Variants in CCNF observed in about 807,000 individuals in gnomAD.
CCNF encodes the protein cyclin F, also known as cyclin-F.
CCNF carries 30 observed loss-of-function variants against 85.4 expected under a neutral mutation model. That is an observed-to-expected ratio of 0.35 (90% CI 0.26 to 0.48). The LOEUF (loss-of-function observed/expected upper bound fraction) is 0.48. Among genes scored for constraint, CCNF ranks in the 20% least tolerant of loss-of-function variants. The probability of loss-of-function intolerance (pLI) is 0.99; values close to 1 mark genes in which losing one functional copy is unlikely to be tolerated. For synonymous variants in CCNF, 439 were observed against 425.1 expected (o/e 1.03, Z -0.40); for missense variants, 919 against 1,010.4 (o/e 0.91, Z 1.23).
In CCNF at chr16:2,439,841, T is replaced by G. The variant is rs1419596474; in HGVS notation, c.777+15T>G. On this transcript the variant is annotated intron_variant, in intron 8 of 16. Transcript: ENST00000397066. ...GGGAAGCGCAGGTGAGGTGCGGGGC[T>G]GGGATGACGTGGGGAGCTGGCCTTT... The G allele has an allele frequency of 6.2e-7, 1 of 1,609,108 alleles. No homozygotes were observed. The highest frequency in any genetic ancestry group is 1.7e-5 in the Admixed American group (1 of 59,970).
At position 2,456,324 on chromosome 16, in the gene CCNF, G is replaced by T. The variant is rs949238141; in HGVS notation, c.1886-221G>T. On this transcript the variant is annotated intron_variant, in intron 16 of 16. Coordinates refer to ENST00000397066, the MANE Select transcript of CCNF (RefSeq NM_001761.3). The surrounding 1 kb of genome is among the most constrained non-coding windows in gnomAD (Gnocchi z 4.5). ...TTCTGCGTCCACTTGGCTTGAGCTA[G>T]ATGGCCAACTTGTCATCTCCACATT... 1.3e-4 allele frequency: 64 copies of T among 481,996 alleles called. No individual in the cohort carries two copies. In the Middle Eastern group the frequency reaches 1.6e-3, roughly 12 times the overall value. The allele number at this position is 481,996 out of a possible 1,614,324, so 29.9% of individuals were successfully genotyped here.
rs1383127568 is a variant in CCNF, at chr16:2,453,373, G to T, written c.1588-37G>T. The T allele has an allele frequency of 1.2e-6, 2 of 1,613,742 alleles. No homozygotes were observed. Among genetic ancestry groups the T allele is most frequent in the South Asian group, 1.1e-5 (1 of 91,080 alleles). ...TGGGGTGTGGGCGGGCCTCACCCTC[G>T]GGGCCTCTGCACCCCCTAACTCTAG... On this transcript the variant is annotated intron_variant, in intron 14 of 16. Coordinates refer to ENST00000397066, the MANE Select transcript of CCNF (RefSeq NM_001761.3). This position sits in a 1 kb window ranked among gnomAD's most constrained non-coding sequence, Gnocchi z 5.6.
chr16:2,453,006 A>C lies in CCNF; in HGVS notation c.1488-204A>C. On this transcript the variant is annotated intron_variant, in intron 13 of 16. Transcript: ENST00000397066. The surrounding 1 kb of genome is among the most constrained non-coding windows in gnomAD (Gnocchi z 5.6). ...TTCTAGTACAGGTTTCTGTGTGGAC[A>C]TAGTTTTTCCTTTTTCCTGGGTCTT... 1.7e-6 allele frequency: 1 copy of C among 599,830 alleles called. No individual in the cohort carries two copies. Among genetic ancestry groups the C allele is most frequent in the Non-Finnish European group, 3.0e-6 (1 of 335,914 alleles). The allele number at this position is 599,830 out of a possible 1,614,324, so 37.2% of individuals were successfully genotyped here.
chr16:2,432,525 G>A (rs974958092), intron 2 of CCNF, among the ~76,000 whole-genome samples: 6 of 152,154 alleles, frequency 3.9e-5, no homozygotes, highest in African/African-American at 1.4e-4. Flanking sequence ...TTCTACCTGA[G>A]ACCTCCATCA....
chr16:2,437,112 C>G lies in CCNF; in HGVS notation c.347-17C>G, dbSNP rs751799917. On this transcript the variant is annotated splice_polypyrimidine_tract_variant and intron_variant, in intron 4 of 16. Coordinates refer to ENST00000397066, the MANE Select transcript of CCNF (RefSeq NM_001761.3). ...CCTAAGAGACATCCCTGGGCTCTGT[C>G]CTGTCTGTCCCCGCAGTGTCTGTGT... 3 of 1,560,520 alleles carry G rather than the reference C, an allele frequency of 1.9e-6. No individual in the cohort carries two copies. The highest frequency in any genetic ancestry group is 1.2e-5 in the South Asian group (1 of 83,776).
At chr16:2,430,586 A>G (rs2065257467) in intron 1 of CCNF, among the ~76,000 whole-genome samples, 2 of 152,190 alleles carry the variant, frequency 1.3e-5, no homozygotes, top group South Asian at 4.1e-4. Flanking sequence ...GAGACTCTGC[A>G]GAGCTGAGAC....
intron 2 of CCNF, among the ~76,000 whole-genome samples, chr16:2,432,102 T>C (rs1004491434): frequency 6.6e-6 from 1 of 152,138 alleles, no homozygotes; most frequent in Non-Finnish European, 1.5e-5. Flanking sequence ...AGTGCTGGGA[T>C]TACAGGCATG....
intron 10 of CCNF, among the ~76,000 whole-genome samples, chr16:2,448,581 T>C (rs1012203488): frequency 2.0e-5 from 3 of 152,166 alleles, no homozygotes; most frequent in Non-Finnish European, 4.4e-5. Flanking sequence ...TAATTTTTTA[T>C]TTTTTAACTT....
At chr16:2,445,382 C>T in intron 9 of CCNF, 76 bp from the exon 10 acceptor site, 2 of 1,524,958 alleles carry the variant, frequency 1.3e-6, no homozygotes, top group Non-Finnish European at 1.8e-6. Flanking sequence ...TCGGGCCCAA[C>T]AGGTGGGGTT....
Position 2,452,178 on chromosome 16 carries a change from G to A in CCNF, c.1488-1032G>A, listed in dbSNP as rs1023455309. 1.3e-5 allele frequency among the ~76,000 whole-genome samples: 2 copies of A among 152,210 alleles called. No homozygotes were observed. Among genetic ancestry groups the A allele is most frequent in the African/African-American group, 2.4e-5 (1 of 41,454 alleles). ...TCCCGTGTACGTCACCCAGGGCCTCGCTGTCCGGCTTCCAGGATGAGATCA... is the reference window on the plus strand; with the variant it reads ...TCCCGTGTACGTCACCCAGGGCCTCACTGTCCGGCTTCCAGGATGAGATCA... On this transcript the variant is annotated intron_variant, in intron 13 of 16. Coordinates refer to ENST00000397066, the MANE Select transcript of CCNF (RefSeq NM_001761.3). This position sits in a 1 kb window ranked among gnomAD's most constrained non-coding sequence, Gnocchi z 4.1.
At chr16:2,448,468 G>A (rs1293261474) in intron 10 of CCNF, among the ~76,000 whole-genome samples, 1 of 152,186 alleles carries the variant, frequency 6.6e-6, no homozygotes, top group African/African-American at 2.4e-5. Flanking sequence ...ATGCAGTGGT[G>A]TAATCAAAGC....
intron 8 of CCNF, among the ~76,000 whole-genome samples, chr16:2,441,937 TTATATATATATATATATA>T (rs55737759): frequency 0.17 from 10,227 of 60,200 alleles, 730 homozygotes; most frequent in Non-Finnish European, 0.2. Context: ...TATTAGCAAA[TTATATATATATATATATA>T]TATATATATA....
intron 3 of CCNF, among the ~76,000 whole-genome samples, chr16:2,435,242 T>TC (rs2065282327): frequency 8.7e-6 from 1 of 114,842 alleles, no homozygotes; most frequent in Non-Finnish European, 1.7e-5. Flanking sequence ...CAGAGCAGAC[T>TC]CCGTCTCAAA....
rs182878285 is a variant in CCNF at position 2,435,510 on chromosome 16, A to C, written c.279-296A>C. On this transcript the variant is annotated intron_variant, in intron 3 of 16. Transcript: ENST00000397066. Reference sequence around the variant, plus strand: ...CGGGGTGGGAGAATGGCTTAAGCCCAGGAGGTTGAGGCTGCAGTGAGCTGT... The same window carrying C: ...CGGGGTGGGAGAATGGCTTAAGCCCCGGAGGTTGAGGCTGCAGTGAGCTGT... Among the ~76,000 whole-genome samples, 613 of 150,186 alleles carry C rather than the reference A, an allele frequency of 4.1e-3. 5 individuals are homozygous for C. The highest frequency in any genetic ancestry group is 0.014 in the African/African-American group (581 of 40,874).
Position 2,453,641 on chromosome 16 carries a change from A to G in CCNF, c.1715+104A>G. 6.8e-7 allele frequency: 1 copy of G among 1,461,908 alleles called. No homozygotes were observed. Among genetic ancestry groups the G allele is most frequent in the South Asian group, 1.2e-5 (1 of 82,030 alleles). 90.6% of individuals were successfully genotyped at this position (1,461,908 alleles called of 1,614,324 possible). A position where few individuals can be genotyped will look rare whatever the true frequency, so the allele number is the denominator to read the frequency against. ...CACAGAGAGGCCCCCAAGGCTTGTC[A>G]GGGGAGCAGCAGATCCCAGGACAGT... On this transcript the variant is annotated intron_variant, in intron 15 of 16. Coordinates refer to ENST00000397066, the MANE Select transcript of CCNF (RefSeq NM_001761.3). This position sits in a 1 kb window ranked among gnomAD's most constrained non-coding sequence, Gnocchi z 5.6.
intron 2 of CCNF, among the ~76,000 whole-genome samples, chr16:2,432,077 G>A (rs2065265791): frequency 1.3e-5 from 2 of 152,014 alleles, no homozygotes; most frequent in South Asian, 4.2e-4. Flanking sequence ...TGATCCGCCC[G>A]CCTCGGCCTC....
chr16:2,455,383 T>G lies in CCNF; in HGVS notation c.1716-12T>G, dbSNP rs1567391825. ...CCATGACTGGGTCTCCTGGGCTCTC[T>G]CCACCTTGCAGGAAGCGGGAGAACA... On this transcript the variant is annotated splice_polypyrimidine_tract_variant and intron_variant, in intron 15 of 16. Coordinates refer to ENST00000397066, the MANE Select transcript of CCNF (RefSeq NM_001761.3). 1 of 1,572,498 alleles carries G rather than the reference T, an allele frequency of 6.4e-7. No individual in the cohort carries two copies. The highest frequency in any genetic ancestry group is 1.1e-5 in the South Asian group (1 of 87,852).
In CCNF at chr16:2,455,355, C is replaced by T. The variant is rs770610264; in HGVS notation, c.1716-40C>T. 1.5e-5 allele frequency: 23 copies of T among 1,522,632 alleles called. No individual in the cohort carries two copies. The Admixed American group carries it at 2.8e-4, about 18-fold the overall frequency. 94.3% of individuals were successfully genotyped at this position (1,522,632 alleles called of 1,614,324 possible). The stretch of plus-strand genomic sequence containing the variant: ...GGAGGGCCTGGCCTCCCAGCGCCGC[C>T]GTCCATGACTGGGTCTCCTGGGCTC... On this transcript the variant is annotated intron_variant, in intron 15 of 16. Coordinates refer to ENST00000397066, the MANE Select transcript of CCNF (RefSeq NM_001761.3).
In CCNF at chr16:2,453,323, G is replaced by A. The variant is rs976572134; in HGVS notation, c.1587+14G>A. 1.9e-5 allele frequency: 31 copies of A among 1,613,680 alleles called. No individual in the cohort carries two copies. Among genetic ancestry groups the A allele is most frequent in the Non-Finnish European group, 2.4e-5 (28 of 1,179,978 alleles). On this transcript the variant is annotated intron_variant, in intron 14 of 16. Coordinates refer to ENST00000397066, the MANE Select transcript of CCNF (RefSeq NM_001761.3). The surrounding 1 kb of genome is among the most constrained non-coding windows in gnomAD (Gnocchi z 5.6). ...AGCCAGGAAGAGGTGCCTCCCTCCC[G>A]CCACCTGGGCGTCTCATGGGGTGCT...
Sources: gnomAD v4.1 joint callset for allele counts (sites outside exome capture counted in the v4.1 genomes callset) on GRCh38, gnomAD v4.1.1 for gene constraint, Gnocchi (gnomAD v3.1) non-coding constraint, MANE v1.5 for transcripts, NCBI Gene and HGNC (gene_info 2026-07-23, HGNC 2026-07-21) for gene names.